Variants in PDPK1 observed in about 807,000 individuals in gnomAD.
PDPK1 encodes 3-phosphoinositide dependent protein kinase 1, also known as 3-phosphoinositide-dependent protein kinase 1.
Under a neutral mutation model 39.8 loss-of-function variants are expected in PDPK1, and 7 were observed. The observed-to-expected ratio is 0.18, with a 90% CI of 0.10 to 0.33. The LOEUF is 0.33. Among genes scored for constraint, PDPK1 ranks in the 10% least tolerant of loss-of-function variants. The pLI is 1.00. For missense variants in PDPK1, 182 were observed against 384.7 expected, an observed-to-expected ratio of 0.47 and a Z score of 4.41; for synonymous variants, 118 against 159.1, an observed-to-expected ratio of 0.74 and a Z score of 1.95.
chr16:2,587,377 GT>G (rs1272802924), intron 11 of PDPK1, among the ~76,000 whole-genome samples: 4 of 152,194 alleles, frequency 2.6e-5, no homozygotes, highest in Non-Finnish European at 4.4e-5. Flanking sequence ...GCCTGAGAGT[GT>G]TTTGATGCTC....
In PDPK1 at chr16:2,585,354, C is replaced by A. The variant is rs111479620; in HGVS notation, c.1126-1322C>A. Among the ~76,000 whole-genome samples the A allele has an allele frequency of 4.6e-5, 7 of 152,328 alleles. 1 individual carries two copies. The highest frequency in any genetic ancestry group is 1.7e-4 in the African/African-American group (7 of 41,574). On this transcript the variant is annotated intron_variant, in intron 10 of 13. Transcript: ENST00000342085. ...CCAGGCAGGGAGCTCCCAGGCCAGACCTCACACGGGGACAGTGAGTGAGTC... is the reference window on the plus strand; with the variant it reads ...CCAGGCAGGGAGCTCCCAGGCCAGAACTCACACGGGGACAGTGAGTGAGTC...
At chr16:2,545,338 T>C (rs1291199557) in intron 1 of PDPK1, among the ~76,000 whole-genome samples, 2 of 141,902 alleles carry the variant, frequency 1.4e-5, no homozygotes, top group Non-Finnish European at 1.5e-5. Context: ...TTCTCTCTCT[T>C]TTTTTTTTTT....
At chr16:2,544,478 G>C (rs1306546180) in intron 1 of PDPK1, among the ~76,000 whole-genome samples, 3 of 152,160 alleles carry the variant, frequency 2.0e-5, no homozygotes, top group Non-Finnish European at 1.5e-5. Context: ...CAAAACCGAA[G>C]AATAGTTGAA....
At chr16:2,585,866 G>A (rs573529334) in intron 10 of PDPK1, among the ~76,000 whole-genome samples, 1 of 152,246 alleles carries the variant, frequency 6.6e-6, no homozygotes. Flanking sequence ...AGGCACGGAG[G>A]ACGTGGAAGG....
chr16:2,595,975 T>G, intron 12 of PDPK1, 125 bp downstream of exon 12: 1 of 775,668 alleles, frequency 1.3e-6, no homozygotes, highest in Non-Finnish European at 2.3e-6. Context: ...ACATCATCTC[T>G]AGATTTCATA....
intron 1 of PDPK1, among the ~76,000 whole-genome samples, chr16:2,551,674 T>G (rs867774290): frequency 0.021 from 2,851 of 138,410 alleles, 91 homozygotes; most frequent in African/African-American, 0.089. Flanking sequence ...TTTTTTTTTT[T>G]TTTTGTTTTT....
Position 2,543,576 on chromosome 16 carries a change from C to T in PDPK1, c.24+5440C>T, listed in dbSNP as rs570952397. 3.2e-3 allele frequency among the ~76,000 whole-genome samples: 466 copies of T among 145,644 alleles called. 1 individual carries two copies. Among genetic ancestry groups the T allele is most frequent in the African/African-American group, 0.011 (431 of 38,944 alleles). On this transcript the variant is annotated intron_variant, in intron 1 of 13. Coordinates refer to ENST00000342085, the MANE Select transcript of PDPK1 (RefSeq NM_002613.5). ...GCCTCTCTTTCCAGCCTGTGCGGCC[C>T]AGGTGGGTCCAGGATGTTCCCTGCT... is the stretch of plus-strand genomic sequence containing the variant.
At position 2,546,376 on chromosome 16, in the gene PDPK1, C is replaced by A. The variant is rs556327645; in HGVS notation, c.24+8240C>A. Among the ~76,000 whole-genome samples the A allele has an allele frequency of 1.4e-4, 21 of 152,040 alleles. No homozygotes were observed. In the East Asian group the frequency reaches 3.9e-3, roughly 28 times the overall value. On this transcript the variant is annotated intron_variant, in intron 1 of 13. Transcript: ENST00000342085. ...TGAGACAGAGTCTCGCTCTGTCGCC[C>A]AGTCTGGAGTGCAGTGGCGCGATCT...
rs1186664653 is a variant in PDPK1, at chr16:2,599,299, C to T, written c.*1532C>T. On this transcript the variant is annotated 3_prime_UTR_variant, in exon 14 of 14. Coordinates refer to ENST00000342085, the MANE Select transcript of PDPK1 (RefSeq NM_002613.5). ...TGTCCACCCTCCCTGGTCCCTACCC[C>T]CAAGTCACAGGTGACTCAGCAGTGA... 1 of 233,286 alleles carries T rather than the reference C, an allele frequency of 4.3e-6. No individual in the cohort carries two copies. Among genetic ancestry groups the T allele is most frequent in the Non-Finnish European group, 8.5e-6 (1 of 118,028 alleles). The allele number at this position is 233,286 out of a possible 1,614,324, so 14.5% of individuals were successfully genotyped here.
intron 10 of PDPK1, among the ~76,000 whole-genome samples, chr16:2,585,557 G>C (rs1177085741): frequency 6.6e-6 from 1 of 152,248 alleles, no homozygotes; most frequent in East Asian, 1.9e-4. Context: ...GTTGGCTCCT[G>C]CTCTCCTGAG....
rs2067126757 is a variant in PDPK1 at position 2,597,461 on chromosome 16, G to C, written c.1554+186G>C. On this transcript the variant is annotated intron_variant, in intron 13 of 13. Coordinates refer to ENST00000342085, the MANE Select transcript of PDPK1 (RefSeq NM_002613.5). The surrounding 1 kb of genome is among the most constrained non-coding windows in gnomAD (Gnocchi z 6.3). ...AGGGGGCAGGGGACACCCTGTGCTT[G>C]TTTTTCAGTTTGGTGGTGACTGGGG... Among the ~76,000 whole-genome samples the C allele has an allele frequency of 6.6e-6, 1 of 152,198 alleles. No homozygotes were observed.
intron 12 of PDPK1, among the ~76,000 whole-genome samples, chr16:2,596,255 G>A (rs13332283): frequency 6.6e-6 from 1 of 152,142 alleles, no homozygotes; most frequent in African/African-American, 2.4e-5. Flanking sequence ...GCAGTGGCGC[G>A]ATCTCGGCTC....
chr16:2,585,141 T>G (rs906977578), intron 10 of PDPK1, among the ~76,000 whole-genome samples: 2 of 151,914 alleles, frequency 1.3e-5, no homozygotes, highest in Admixed American at 1.3e-4. Flanking sequence ...AGTGTGGGGG[T>G]GTGTGTGCTT....
At chr16:2,558,637 G>A (rs946188687) in intron 2 of PDPK1, among the ~76,000 whole-genome samples, 1 of 148,978 alleles carries the variant, frequency 6.7e-6, no homozygotes, top group Non-Finnish European at 1.5e-5. Flanking sequence ...GTGTGGTTGT[G>A]GATTTAGTGA....
rs769291233 is a variant in PDPK1, at chr16:2,577,512, C to CA, written c.785+13dup. 6.4e-7 allele frequency: 1 copy of CA among 1,562,646 alleles called. No individual in the cohort carries two copies. ...TCCGCCTGTAAGAGGTAACCACTTT[C>CA]ATCTAAGCCGTGCTTCCCTTTTCTT... On this transcript the variant is annotated intron_variant, in intron 7 of 13. Transcript: ENST00000342085.
intron 1 of PDPK1, among the ~76,000 whole-genome samples, chr16:2,545,878 C>A (rs1408936522): frequency 6.6e-6 from 1 of 152,048 alleles, no homozygotes; most frequent in Non-Finnish European, 1.5e-5. Flanking sequence ...TTAAAGTGAT[C>A]CTACCACCTG....
chr16:2,589,698 A>G (rs2066949118), intron 11 of PDPK1, among the ~76,000 whole-genome samples: 2 of 134,094 alleles, frequency 1.5e-5, no homozygotes, highest in East Asian at 2.1e-4. Flanking sequence ...CAAAATTGGA[A>G]AAAAAAAAAA....
At chr16:2,585,654 C>T (rs1054997766) in intron 10 of PDPK1, among the ~76,000 whole-genome samples, 9 of 152,096 alleles carry the variant, frequency 5.9e-5, no homozygotes, top group East Asian at 3.9e-4. Context: ...GAGGGGTCGG[C>T]GTGGAGGGGC....
intron 1 of PDPK1, among the ~76,000 whole-genome samples, chr16:2,543,719 TG>T (rs2066281794): frequency 6.6e-6 from 1 of 152,134 alleles, no homozygotes; most frequent in African/African-American, 2.4e-5. Context: ...CTGGGTTTTT[TG>T]TTATTTGTTT....
Sources: gnomAD v4.1 joint callset for allele counts (sites outside exome capture counted in the v4.1 genomes callset) on GRCh38, gnomAD v4.1.1 for gene constraint, Gnocchi (gnomAD v3.1) non-coding constraint, MANE v1.5 for transcripts, NCBI Gene and HGNC (gene_info 2026-07-23, HGNC 2026-07-21) for gene names.